The following SNTG1 variants were observed in gnomAD, a reference collection of about 807,000 sequenced individuals.
SNTG1 encodes the protein gamma-1-syntrophin.
Under a neutral mutation model 74.7 loss-of-function variants are expected in SNTG1, and 39 were observed. That is an observed-to-expected ratio of 0.52 (90% CI 0.40 to 0.68). The LOEUF (loss-of-function observed/expected upper bound fraction) is 0.68, where lower values mean the gene tolerates loss of function less well. SNTG1 is among the 30% of genes least tolerant of loss of function. SNTG1 has a pLI of 0.00. For missense variants in SNTG1, 685 were observed against 609.5 expected (o/e 1.12, Z -1.30); for synonymous variants, 254 against 217.1 (o/e 1.17, Z -1.49).
chr8:50,633,639 C>A (rs1231490924), intron 13 of SNTG1, among the ~76,000 whole-genome samples: 1 of 152,176 alleles, frequency 6.6e-6, no homozygotes, highest in Non-Finnish European at 1.5e-5. Context: ...TTGAGGTGGG[C>A]TGTGCACTAA....
intron 11 of SNTG1, among the ~76,000 whole-genome samples, chr8:50,537,482 C>T (rs2094316122): frequency 6.6e-6 from 1 of 152,016 alleles, no homozygotes; most frequent in Non-Finnish European, 1.5e-5. Flanking sequence ...AAGTAGTGCC[C>T]TCCTTTTCAT....
At chr8:50,394,109 A>C (rs942762756) in intron 2 of SNTG1, 103 bp from the exon 3 acceptor site, 2 of 807,740 alleles carry the variant, frequency 2.5e-6, no homozygotes, top group Admixed American at 5.6e-5. Flanking sequence ...TTGTAAACAC[A>C]GTTTTCCCAC....
At chr8:50,486,032 C>T (rs1336820369) in intron 8 of SNTG1, among the ~76,000 whole-genome samples, 38 of 151,554 alleles carry the variant, frequency 2.5e-4, no homozygotes, top group African/African-American at 9.0e-4. Context: ...TGATCTATAT[C>T]TCTGTTTTGG....
At chr8:50,254,588 G>A (rs184890068) in intron 2 of SNTG1, among the ~76,000 whole-genome samples, 144 of 152,230 alleles carry the variant, frequency 9.5e-4, no homozygotes, top group African/African-American at 3.3e-3. Flanking sequence ...TGACTCACAC[G>A]TGAATCCCAG....
chr8:50,245,012 C>A (rs977980717), intron 2 of SNTG1, among the ~76,000 whole-genome samples: 12 of 151,930 alleles, frequency 7.9e-5, no homozygotes, highest in African/African-American at 2.9e-4. Flanking sequence ...TTTCCATTAT[C>A]ATTCTTGCAA....
chr8:50,476,231 T>A (rs569223847), intron 8 of SNTG1, among the ~76,000 whole-genome samples: 6 of 152,288 alleles, frequency 3.9e-5, no homozygotes, highest in African/African-American at 1.4e-4. Context: ...TAGTTGCTGT[T>A]AATATCTTAC....
chr8:50,217,270 A>T (rs2131958396), intron 2 of SNTG1, among the ~76,000 whole-genome samples: 1 of 152,238 alleles, frequency 6.6e-6, no homozygotes. Flanking sequence ...CTCATGTAGG[A>T]AAAGTGTAAT....
intron 17 of SNTG1, among the ~76,000 whole-genome samples, chr8:50,721,515 G>A (rs1209735416): frequency 6.6e-6 from 1 of 152,128 alleles, no homozygotes. Context: ...GCTTTCCTGG[G>A]TTTAGTGTCT....
intron 2 of SNTG1, among the ~76,000 whole-genome samples, chr8:50,306,531 C>CT: frequency 6.6e-6 from 1 of 151,974 alleles, no homozygotes; most frequent in Non-Finnish European, 1.5e-5. Context: ...ATAAGTGTTC[C>CT]TTTTTTACCA....
At chr8:50,363,116 C>T (rs947750700) in intron 2 of SNTG1, among the ~76,000 whole-genome samples, 1 of 151,756 alleles carries the variant, frequency 6.6e-6, no homozygotes, top group Non-Finnish European at 1.5e-5. Flanking sequence ...TTTTCAACCC[C>T]AGTGGTAAAG....
chr8:50,603,056 T>C (rs979739485), intron 13 of SNTG1, among the ~76,000 whole-genome samples: 3 of 152,156 alleles, frequency 2.0e-5, no homozygotes, highest in African/African-American at 7.2e-5. Context: ...GTTATCTTTC[T>C]CTATGTTTTG....
chr8:49,965,509 G>T (rs1351126439), intron 1 of SNTG1, among the ~76,000 whole-genome samples: 1 of 152,028 alleles, frequency 6.6e-6, no homozygotes. Context: ...TGAATAATTG[G>T]GCTTATGAGT....
intron 2 of SNTG1, among the ~76,000 whole-genome samples, chr8:50,313,389 A>T (rs1488872178): frequency 6.7e-6 from 1 of 149,770 alleles, no homozygotes; most frequent in African/African-American, 2.5e-5. Flanking sequence ...AACCATAGAT[A>T]GAGAAAAATA....
chr8:50,787,156 C>T (rs912347614), intron 18 of SNTG1, among the ~76,000 whole-genome samples: 2 of 150,872 alleles, frequency 1.3e-5, no homozygotes, highest in African/African-American at 4.9e-5. Context: ...ACATAAATAC[C>T]CCAAATAAAA....
At chr8:50,107,974 G>T (rs2080444289) in intron 1 of SNTG1, among the ~76,000 whole-genome samples, 1 of 152,112 alleles carries the variant, frequency 6.6e-6, no homozygotes. Flanking sequence ...CCTTGCCTTT[G>T]CCGTGAGCAT....
At chr8:49,984,881 A>T (rs1159614798) in intron 1 of SNTG1, among the ~76,000 whole-genome samples, 1 of 152,192 alleles carries the variant, frequency 6.6e-6, no homozygotes, top group Non-Finnish European at 1.5e-5. Context: ...TTGTCTCGGT[A>T]ATCTTAAAAT....
At chr8:50,258,372 A>G (rs1254072156) in intron 2 of SNTG1, among the ~76,000 whole-genome samples, 1 of 152,206 alleles carries the variant, frequency 6.6e-6, no homozygotes, top group African/African-American at 2.4e-5. Context: ...TAAAATGTTC[A>G]CTTTTCAGAA....
At chr8:50,224,981 T>G (rs867258116) in intron 2 of SNTG1, among the ~76,000 whole-genome samples, 2 of 151,932 alleles carry the variant, frequency 1.3e-5, no homozygotes, top group Non-Finnish European at 2.9e-5. Flanking sequence ...TTATTTTTAT[T>G]TTTTTTTGAG....
intron 1 of SNTG1, among the ~76,000 whole-genome samples, chr8:50,003,450 T>C (rs1814930537): frequency 6.6e-6 from 1 of 152,174 alleles, no homozygotes; most frequent in Non-Finnish European, 1.5e-5. Context: ...GCAACAATGA[T>C]CACTTTTAAT....
Sources: allele counts gnomAD v4.1 joint callset (sites outside exome capture counted in the v4.1 genomes callset), GRCh38; gene constraint gnomAD v4.1.1; transcripts MANE v1.5; gene names NCBI Gene and HGNC (gene_info 2026-07-23, HGNC 2026-07-21).